GPC5: variants seen among roughly 807,000 people sequenced by gnomAD.
The protein encoded by GPC5 is glypican-5.
In GPC5, 47 loss-of-function variants were observed where a neutral mutation model predicts 53.9. The observed-to-expected ratio is 0.87, with a 90% CI of 0.69 to 1.11. The LOEUF is 1.11. GPC5 is among the 50% of genes most tolerant of loss of function. The probability of loss-of-function intolerance (pLI) is 0.00; values close to 1 mark genes in which losing one functional copy is unlikely to be tolerated. For missense variants in GPC5, 748 were observed against 713.1 expected (o/e 1.05, Z -0.56); for synonymous variants, 286 against 263.3 (o/e 1.09, Z -0.84).
chr13:92,679,308 C>T (rs1254366605), intron 7 of GPC5, among the ~76,000 whole-genome samples: 1 of 152,186 alleles, frequency 6.6e-6, no homozygotes, highest in Non-Finnish European at 1.5e-5. Context: ...AGATGTCTGA[C>T]CTCAGTAGGA....
chr13:91,561,074 G>T (rs919390020), intron 2 of GPC5, among the ~76,000 whole-genome samples: 11 of 152,106 alleles, frequency 7.2e-5, no homozygotes, highest in Non-Finnish European at 1.5e-4. Flanking sequence ...CTAATTTTTG[G>T]TTCCTGGAGA....
At chr13:92,801,692 T>C (rs529206915) in intron 7 of GPC5, among the ~76,000 whole-genome samples, 1 of 151,902 alleles carries the variant, frequency 6.6e-6, no homozygotes, top group East Asian at 2.0e-4. Context: ...GTGATATTGA[T>C]GATCCTGATT....
At chr13:92,660,157 T>G (rs909311421) in intron 7 of GPC5, among the ~76,000 whole-genome samples, 8 of 152,242 alleles carry the variant, frequency 5.3e-5, no homozygotes, top group African/African-American at 1.7e-4. Flanking sequence ...CCATAAAGCA[T>G]ATAGTCTTGG....
rs181119658 is a variant in GPC5 at position 92,757,591 on chromosome 13, G to C, written c.1562-108691G>C. On this transcript the variant is annotated intron_variant, in intron 7 of 7. Transcript: ENST00000377067. ...TTTTGCATCCTACTCATCTGAAAAA[G>C]GGCTAATATCCAGAATCTACAATGA... Among the ~76,000 whole-genome samples the C allele has an allele frequency of 3.9e-5, 6 of 152,166 alleles. No individual in the cohort carries two copies. The East Asian group carries it at 1.2e-3, about 29-fold the overall frequency.
intron 3 of GPC5, among the ~76,000 whole-genome samples, chr13:91,701,549 C>CTGTG (rs143841432): frequency 3.7e-4 from 55 of 148,512 alleles, no homozygotes; most frequent in Middle Eastern, 3.5e-3. Context: ...TAATATTCCA[C>CTGTG]TGTGTGTGTG....
chr13:92,284,072 C>T (rs2042935860), intron 7 of GPC5, among the ~76,000 whole-genome samples: 1 of 152,108 alleles, frequency 6.6e-6, no homozygotes, highest in Non-Finnish European at 1.5e-5. Context: ...ACTGATCCCA[C>T]AGAAATACAA....
chr13:91,693,819 C>G lies in GPC5; in HGVS notation c.958C>G (p.His320Asp), dbSNP rs770819777. The G allele has an allele frequency of 6.2e-7, 1 of 1,612,952 alleles. No homozygotes were observed. The highest frequency in any genetic ancestry group is 1.7e-5 in the Admixed American group (1 of 60,010). The change falls in exon 3 of 8, where the codon CAC (histidine) becomes GAC (aspartate). Residue 320 changes from histidine (H) to aspartate (D), a missense_variant. Physicochemically the swap from His to Asp is moderately conservative, Grantham distance 81. Coordinates refer to ENST00000377067, the MANE Select transcript of GPC5 (RefSeq NM_004466.6). Reference sequence around the variant, plus strand: ...CATTGGACACGTGCTGCTGAACTTTCACTTGCTTGTTAATGATGCTGTGTT... The same window carrying G: ...CATTGGACACGTGCTGCTGAACTTTGACTTGCTTGTTAATGATGCTGTGTT... ...YDIGHVLLNF[H>D]LLVNDAVLQA... is the part of the protein sequence containing the mutation.
chr13:91,590,006 A>G (rs1168002558), intron 2 of GPC5, among the ~76,000 whole-genome samples: 4 of 152,052 alleles, frequency 2.6e-5, no homozygotes, highest in Non-Finnish European at 5.9e-5. Flanking sequence ...TTTAAAAAGT[A>G]TTATGTAAAT....
chr13:91,858,951 T>G (rs2038995971), intron 5 of GPC5, among the ~76,000 whole-genome samples: 1 of 151,844 alleles, frequency 6.6e-6, no homozygotes, highest in Non-Finnish European at 1.5e-5. Context: ...TAGTTGCTCC[T>G]AATAGCCTGT....
At chr13:92,373,063 G>A (rs1436450841) in intron 7 of GPC5, among the ~76,000 whole-genome samples, 6 of 151,908 alleles carry the variant, frequency 3.9e-5, no homozygotes, top group Non-Finnish European at 8.8e-5. Flanking sequence ...TTAAATCTAG[G>A]GCAGCTGTTT....
chr13:92,068,354 C>A (rs1272202965), intron 6 of GPC5, among the ~76,000 whole-genome samples: 1 of 151,620 alleles, frequency 6.6e-6, no homozygotes, highest in Non-Finnish European at 1.5e-5. Flanking sequence ...ATAAAATAGA[C>A]TTTTATGTGC....
chr13:92,294,815 T>C (rs74363226), intron 7 of GPC5, among the ~76,000 whole-genome samples: 16 of 140,380 alleles, frequency 1.1e-4, no homozygotes, highest in Non-Finnish European at 1.8e-4. Context: ...GTTTCTTTCT[T>C]TTTTTTTTTT....
intron 7 of GPC5, among the ~76,000 whole-genome samples, chr13:92,181,244 A>G (rs182357564): frequency 4.6e-5 from 7 of 152,278 alleles, no homozygotes; most frequent in African/African-American, 1.7e-4. Flanking sequence ...CTCACATGAT[A>G]TCATGGAGAT....
intron 6 of GPC5, among the ~76,000 whole-genome samples, chr13:92,118,773 A>G (rs1489872443): frequency 2.0e-5 from 3 of 152,128 alleles, no homozygotes; most frequent in Non-Finnish European, 2.9e-5. Context: ...CAGAGTTTCA[A>G]TTTCAATCAG....
intron 7 of GPC5, among the ~76,000 whole-genome samples, chr13:92,275,072 T>A (rs990520859): frequency 1.3e-5 from 2 of 150,774 alleles, no homozygotes; most frequent in Non-Finnish European, 3.0e-5. Context: ...TTGCTTCACT[T>A]TATTCATATT....
At chr13:92,603,496 T>C (rs1451992236) in intron 7 of GPC5, among the ~76,000 whole-genome samples, 1 of 152,130 alleles carries the variant, frequency 6.6e-6, no homozygotes, top group Non-Finnish European at 1.5e-5. Flanking sequence ...GATAAGAACA[T>C]TTGGATTATC....
intron 7 of GPC5, among the ~76,000 whole-genome samples, chr13:92,403,250 A>G (rs1008402793): frequency 5.3e-5 from 8 of 152,210 alleles, no homozygotes; most frequent in Non-Finnish European, 7.3e-5. Context: ...CCTTAAAGCA[A>G]TTTAAAACAT....
chr13:92,207,326 G>A (rs1226588803), intron 7 of GPC5, among the ~76,000 whole-genome samples: 1 of 152,126 alleles, frequency 6.6e-6, no homozygotes. Flanking sequence ...TAACCCCTGA[G>A]GAATTCTGAT....
chr13:92,826,887 G>A (rs1398770396), intron 7 of GPC5, among the ~76,000 whole-genome samples: 1 of 151,990 alleles, frequency 6.6e-6, no homozygotes, highest in Non-Finnish European at 1.5e-5. Context: ...AAGGCTTATT[G>A]ACTTTCATTG....
Sources: gnomAD v4.1 joint callset for allele counts (sites outside exome capture counted in the v4.1 genomes callset) on GRCh38, gnomAD v4.1.1 for gene constraint, MANE v1.5 for transcripts, NCBI Gene and HGNC (gene_info 2026-07-23, HGNC 2026-07-21) for gene names.